The following RBFOX1 variants were observed in gnomAD, a reference collection of about 807,000 sequenced individuals.
The protein encoded by RBFOX1 is RNA binding fox-1 homolog 1.
RBFOX1 carries 8 observed loss-of-function variants against 57.7 expected under a neutral mutation model. That is an observed-to-expected ratio of 0.14 (90% CI 0.08 to 0.25). RBFOX1 has a LOEUF of 0.25. Among genes scored for constraint, RBFOX1 ranks in the 10% least tolerant of loss-of-function variants. RBFOX1 has a pLI of 1.00. For synonymous variants in RBFOX1, 326 were observed against 222.4 expected (o/e 1.47, Z -4.15); for missense variants, 611 against 548.5 (o/e 1.11, Z -1.14).
At chr16:5,256,120 A>C (rs1596317858) in intron 1 of RBFOX1, among the ~76,000 whole-genome samples, 3 of 152,188 alleles carry the variant, frequency 2.0e-5, no homozygotes, top group African/African-American at 7.2e-5. Context: ...TAAGTTTTGC[A>C]GGAGGGGAAG....
intron 2 of RBFOX1, among the ~76,000 whole-genome samples, chr16:6,518,741 C>G (rs190535879): frequency 1.3e-5 from 2 of 151,982 alleles, no homozygotes; most frequent in Non-Finnish European, 2.9e-5. Context: ...ATCCATCTAT[C>G]TCTGTCTGTC....
chr16:6,379,242 A>T (rs2091533132), intron 2 of RBFOX1, among the ~76,000 whole-genome samples: 1 of 152,196 alleles, frequency 6.6e-6, no homozygotes, highest in Non-Finnish European at 1.5e-5. Flanking sequence ...TGGAGAATTC[A>T]TCAGAGAGGC....
chr16:5,439,226 T>C (rs60616467), intron 1 of RBFOX1, among the ~76,000 whole-genome samples: 24,723 of 151,874 alleles, frequency 0.16, 3,938 homozygotes, highest in African/African-American at 0.42. Context: ...ATGTGAGTCA[T>C]TCCAGGAAGG....
intron 2 of RBFOX1, among the ~76,000 whole-genome samples, chr16:6,340,638 C>T (rs1030795558): frequency 6.6e-6 from 1 of 152,156 alleles, no homozygotes; most frequent in African/African-American, 2.4e-5. Flanking sequence ...GTGAGGACAA[C>T]CAGAGGTCAT....
chr16:5,954,099 C>T (rs541701917), intron 4 of RBFOX1, among the ~76,000 whole-genome samples: 2 of 152,328 alleles, frequency 1.3e-5, no homozygotes, highest in South Asian at 2.1e-4. Context: ...CCCCTGCCAT[C>T]GAGAATGACG....
intron 3 of RBFOX1, among the ~76,000 whole-genome samples, chr16:5,728,699 C>G (rs1407537613): frequency 6.6e-6 from 1 of 152,174 alleles, no homozygotes; most frequent in African/African-American, 2.4e-5. Flanking sequence ...CCGCCCCTCC[C>G]CTCTCCATGG....
chr16:6,055,653 G>A (rs2095606372), intron 1 of RBFOX1, among the ~76,000 whole-genome samples: 1 of 150,850 alleles, frequency 6.6e-6, no homozygotes, highest in African/African-American at 2.4e-5. Context: ...TACTCTCATG[G>A]AAGTTTGCAG....
At chr16:6,565,702 T>C (rs2097255409) in intron 2 of RBFOX1, among the ~76,000 whole-genome samples, 1 of 152,288 alleles carries the variant, frequency 6.6e-6, no homozygotes, top group South Asian at 2.1e-4. Context: ...TCTCCTGACC[T>C]CGTGATCCGC....
intron 4 of RBFOX1, among the ~76,000 whole-genome samples, chr16:7,141,231 C>T (rs1306421119): frequency 6.6e-6 from 1 of 152,152 alleles, no homozygotes; most frequent in African/African-American, 2.4e-5. Flanking sequence ...AGTGCTGGAT[C>T]CAGATCGCTT....
intron 2 of RBFOX1, among the ~76,000 whole-genome samples, chr16:5,549,901 A>G (rs1229604514): frequency 6.6e-6 from 1 of 152,172 alleles, no homozygotes; most frequent in Non-Finnish European, 1.5e-5. Context: ...AGTGTGGCTC[A>G]TAACTTGCAC....
intron 3 of RBFOX1, among the ~76,000 whole-genome samples, chr16:5,808,982 A>G (rs1315865722): frequency 6.6e-6 from 1 of 152,168 alleles, no homozygotes; most frequent in East Asian, 1.9e-4. Flanking sequence ...GAGAGAGGGC[A>G]TCCCTGTCTT....
At chr16:6,871,447 A>G (rs1347224420) in intron 3 of RBFOX1, among the ~76,000 whole-genome samples, 1 of 152,062 alleles carries the variant, frequency 6.6e-6, no homozygotes, top group Admixed American at 6.5e-5. Context: ...CAGCCTCCCA[A>G]ATTGCTGGGA....
intron 1 of RBFOX1, among the ~76,000 whole-genome samples, chr16:5,309,563 A>T (rs986946063): frequency 6.6e-6 from 1 of 152,228 alleles, no homozygotes; most frequent in South Asian, 2.1e-4. Context: ...TGTTACATAG[A>T]TATATTGCAT....
intron 3 of RBFOX1, among the ~76,000 whole-genome samples, chr16:5,733,738 CTCT>C (rs2052468183): frequency 6.6e-6 from 1 of 151,912 alleles, no homozygotes; most frequent in Non-Finnish European, 1.5e-5. Flanking sequence ...CCCTTCCTAT[CTCT>C]TCTTTCCTGT....
intron 4 of RBFOX1, among the ~76,000 whole-genome samples, chr16:7,132,463 CA>C (rs1279377288): frequency 1.8e-5 from 2 of 108,710 alleles, no homozygotes; most frequent in African/African-American, 2.8e-5. Context: ...CACACACACA[CA>C]CACACACACA....
chr16:5,964,571 ATC>A (rs1444062059), intron 4 of RBFOX1, among the ~76,000 whole-genome samples: 1 of 152,154 alleles, frequency 6.6e-6, no homozygotes, highest in Admixed American at 6.5e-5. Flanking sequence ...GTATATATGT[ATC>A]TATGTGTGTA....
chr16:7,700,579 T>C (rs1392571042), intron 14 of RBFOX1, among the ~76,000 whole-genome samples: 1 of 152,120 alleles, frequency 6.6e-6, no homozygotes, highest in Non-Finnish European at 1.5e-5. Context: ...ACAATAAAAA[T>C]TCTTAGTGAT....
chr16:7,356,426 C>T (rs1476712856), intron 4 of RBFOX1, among the ~76,000 whole-genome samples: 1 of 152,150 alleles, frequency 6.6e-6, no homozygotes, highest in East Asian at 1.9e-4. Flanking sequence ...CAAGAAGGAG[C>T]ATCCCACTGA....
At chr16:6,818,607 G>A (rs577233503) in intron 3 of RBFOX1, among the ~76,000 whole-genome samples, 12 of 152,094 alleles carry the variant, frequency 7.9e-5, no homozygotes, top group African/African-American at 2.7e-4. Context: ...CTCTAGTAGG[G>A]CATGTATCAC....
Sources: gnomAD v4.1 joint callset for allele counts (sites outside exome capture counted in the v4.1 genomes callset) on GRCh38, gnomAD v4.1.1 for gene constraint, MANE v1.5 for transcripts, NCBI Gene and HGNC (gene_info 2026-07-23, HGNC 2026-07-21) for gene names.